Variants in ARRDC5 observed in about 807,000 individuals in gnomAD.
ARRDC5 encodes the protein arrestin domain-containing protein 5.
Under a neutral mutation model 13.3 loss-of-function variants are expected in ARRDC5, and 12 were observed. That is an observed-to-expected ratio of 0.90 (90% CI 0.58 to 1.46). The LOEUF is 1.46. Among genes scored for constraint, ARRDC5 ranks in the 40% most tolerant of loss-of-function variants. The probability of loss-of-function intolerance (pLI) is 0.00; values close to 1 mark genes in which losing one functional copy is unlikely to be tolerated. For synonymous variants in ARRDC5, 181 were observed against 173.4 expected (o/e 1.04, Z -0.34); for missense variants, 406 against 418.7 (o/e 0.97, Z 0.26).
chr19:4,901,583 C>T (rs1019959099), intron 1 of ARRDC5, among the ~76,000 whole-genome samples: 29 of 152,196 alleles, frequency 1.9e-4, no homozygotes, highest in Admixed American at 1.8e-3. Context: ...CACTTCACTC[C>T]AGCCTGGGAA....
chr19:4,890,953 C>G lies in ARRDC5; in HGVS notation c.*93G>C. On this transcript the variant is annotated 3_prime_UTR_variant, in exon 3 of 3. Coordinates refer to ENST00000650722, the MANE Select transcript of ARRDC5 (RefSeq NM_001080523.3). ...GAGGTTGCAGACAACCTGTTGCCCA[C>G]TCCTCGACTCCTCTGAGAGTCACCT... 1 of 1,111,524 alleles carries G rather than the reference C, an allele frequency of 9.0e-7. No individual in the cohort carries two copies. The highest frequency in any genetic ancestry group is 2.7e-5 in the Admixed American group (1 of 36,672). 68.9% of individuals were successfully genotyped at this position (1,111,524 alleles called of 1,614,324 possible). A position where few individuals can be genotyped will look rare whatever the true frequency, so the allele number is the denominator to read the frequency against.
intron 2 of ARRDC5, among the ~76,000 whole-genome samples, chr19:4,892,547 G>C (rs1414904031): frequency 6.6e-6 from 1 of 150,398 alleles, no homozygotes; most frequent in Non-Finnish European, 1.5e-5. Flanking sequence ...TTTTTTGAAA[G>C]AAGGTCTCAC....
rs1394878624 is a variant in ARRDC5 at position 4,902,765 on chromosome 19, A to G, written c.61T>C (p.Ser21Pro). 6 of 1,613,824 alleles carry G rather than the reference A, an allele frequency of 3.7e-6. No homozygotes were observed. The African/African-American group carries it at 6.7e-5, about 18-fold the overall frequency. Residue 21 changes from serine to proline, a missense_variant, in exon 1 of 3, where the codon TCC (serine) becomes CCC (proline). Transcript: ENST00000650722. Reference protein sequence around the residue: ...LPEDRIYLAGSSIKGQVILTL... With the variant: ...LPEDRIYLAGPSIKGQVILTL... ...AAGATCACCTGCCCTTTTATGCTGG[A>G]GCCAGCCAGGTAGATTCTATCCTCG...
chr19:4,916,187 T>C, the ARRDC5 span, among the ~76,000 whole-genome samples: 1 of 151,886 alleles, frequency 6.6e-6, no homozygotes, highest in African/African-American at 2.4e-5. Flanking sequence ...ATGCCTGTAG[T>C]CCTAGCTACT....
chr19:4,914,066 C>G, the ARRDC5 span, among the ~76,000 whole-genome samples: 1 of 151,974 alleles, frequency 6.6e-6, no homozygotes, highest in Non-Finnish European at 1.5e-5. Context: ...TCACACCCCC[C>G]TCCCCCACCT....
chr19:4,896,405 C>CACACACACACATATAT (rs539564532), intron 2 of ARRDC5, among the ~76,000 whole-genome samples: 7 of 106,386 alleles, frequency 6.6e-5, no homozygotes, highest in Admixed American at 3.4e-4. Flanking sequence ...CACACACACA[C>CACACACACACATATAT]ATATATATAA....
the ARRDC5 span, chr19:4,909,599 C>G: frequency 1.9e-5 from 12 of 642,872 alleles, no homozygotes; most frequent in Non-Finnish European, 3.3e-5. Context: ...GGTTTCATCG[C>G]CATCCCCAGC....
chr19:4,893,027 T>C (rs1009998088), intron 2 of ARRDC5, among the ~76,000 whole-genome samples: 1 of 148,990 alleles, frequency 6.7e-6, no homozygotes, highest in African/African-American at 2.5e-5. Context: ...TGCTGGAATC[T>C]GGGAGGTGGA....
the ARRDC5 span, among the ~76,000 whole-genome samples, chr19:4,916,365 C>T: frequency 6.6e-6 from 1 of 152,074 alleles, no homozygotes; most frequent in East Asian, 1.9e-4. Flanking sequence ...AGAAGACAAG[C>T]GCGCCCCCTC....
chr19:4,913,405 C>G, the ARRDC5 span, among the ~76,000 whole-genome samples: 1 of 151,988 alleles, frequency 6.6e-6, no homozygotes, highest in South Asian at 2.1e-4. Context: ...AGTCACCCAC[C>G]ACCACGCCTG....
intron 1 of ARRDC5, 112 bp from the exon 2 acceptor site, chr19:4,896,988 A>T: frequency 1.4e-6 from 1 of 731,416 alleles, no homozygotes. Context: ...ACACGGTCTC[A>T]CTCTGTCACC....
chr19:4,899,651 C>T (rs1346870917), intron 1 of ARRDC5, among the ~76,000 whole-genome samples: 3 of 138,984 alleles, frequency 2.2e-5, no homozygotes, highest in South Asian at 2.4e-4. Context: ...AACTAGCGGC[C>T]GGGCGCGGTG....
intron 2 of ARRDC5, among the ~76,000 whole-genome samples, chr19:4,895,304 T>C (rs755071440): frequency 5.3e-5 from 8 of 150,076 alleles, no homozygotes; most frequent in Non-Finnish European, 1.2e-4. Flanking sequence ...GTACTTCTCA[T>C]CCCAGCTACT....
the ARRDC5 span, chr19:4,910,931 G>A: frequency 6.2e-7 from 1 of 1,613,604 alleles, no homozygotes; most frequent in Non-Finnish European, 8.5e-7. Context: ...GACCCACACG[G>A]TGGACTCGCT....
At chr19:4,915,796 T>G in the ARRDC5 span, among the ~76,000 whole-genome samples, 1 of 152,202 alleles carries the variant, frequency 6.6e-6, no homozygotes, top group Non-Finnish European at 1.5e-5. Flanking sequence ...TCAATTAGAT[T>G]GCATACTTTA....
the ARRDC5 span, among the ~76,000 whole-genome samples, chr19:4,908,789 C>G: frequency 6.6e-6 from 1 of 152,208 alleles, no homozygotes; most frequent in Non-Finnish European, 1.5e-5. Flanking sequence ...CTGAGACCAC[C>G]AACTGGGTCT....
At chr19:4,901,312 C>T (rs1349894733) in intron 1 of ARRDC5, among the ~76,000 whole-genome samples, 2 of 152,026 alleles carry the variant, frequency 1.3e-5, no homozygotes, top group Non-Finnish European at 2.9e-5. Context: ...GAGCGAGGCC[C>T]TGTCTCAAAA....
At chr19:4,896,959 A>G (rs1257743622) in intron 1 of ARRDC5, 83 bp from the exon 2 acceptor site, 1 of 984,546 alleles carries the variant, frequency 1.0e-6, no homozygotes, top group African/African-American at 1.7e-5. Context: ...CTTTATTTTT[A>G]TATTTATTTA....
At position 4,902,740 on chromosome 19, in the gene ARRDC5, A is replaced by ACC. The variant is rs1324021042; in HGVS notation, c.85_86insGG (p.Leu29TrpfsTer2). The stretch of plus-strand genomic sequence containing the variant: ...GTCCACCAGGGTGCTGTTCAGGGTT[A>ACC]AGATCACCTGCCCTTTTATGCTGGA... On this transcript the variant is annotated frameshift_variant, in exon 1 of 3. Coordinates refer to ENST00000650722, the MANE Select transcript of ARRDC5 (RefSeq NM_001080523.3). LOFTEE classifies it high-confidence loss of function. The ACC allele has an allele frequency of 6.2e-7, 1 of 1,613,998 alleles. No individual in the cohort carries two copies. The highest frequency in any genetic ancestry group is 8.5e-7 in the Non-Finnish European group (1 of 1,179,890).
Sources: gnomAD v4.1 joint callset for allele counts (sites outside exome capture counted in the v4.1 genomes callset) on GRCh38, gnomAD v4.1.1 for gene constraint, MANE v1.5 for transcripts, NCBI Gene and HGNC (gene_info 2026-07-23, HGNC 2026-07-21) for gene names.